Variants in ITCH observed in about 807,000 individuals in gnomAD.
ITCH encodes itchy E3 ubiquitin protein ligase.
ITCH carries 28 observed loss-of-function variants against 126.8 expected under a neutral mutation model. That is an observed-to-expected ratio of 0.22 (90% CI 0.16 to 0.30). The LOEUF (loss-of-function observed/expected upper bound fraction) is 0.30, where lower values mean the gene tolerates loss of function less well. Ranked by LOEUF, ITCH falls within the 10% of genes least tolerant of loss-of-function variation. The pLI is 1.00. For missense variants in ITCH, 631 were observed against 1,032.4 expected, an observed-to-expected ratio of 0.61 and a Z score of 5.33; for synonymous variants, 342 against 340.0, an observed-to-expected ratio of 1.01 and a Z score of -0.06.
intron 16 of ITCH, 125 bp downstream of exon 16, chr20:34,471,640 C>A (rs1265319166): frequency 1.6e-5 from 11 of 667,444 alleles, no homozygotes; most frequent in Non-Finnish European, 2.8e-5. Flanking sequence ...TTTTCAAGTG[C>A]GATCTCATTG....
rs1007548009 is a variant in ITCH, at chr20:34,457,261, G to A, written c.1211-129G>A. On this transcript the variant is annotated intron_variant, in intron 12 of 24. Transcript: ENST00000374864. Reference sequence around the variant, plus strand: ...AATAAATTAAACCTTTTAAAGCTGTGATTTAAAAACTATAAAATAAACAAT... The same window carrying A: ...AATAAATTAAACCTTTTAAAGCTGTAATTTAAAAACTATAAAATAAACAAT... The A allele has an allele frequency of 4.0e-5, 28 of 703,842 alleles. 1 individual carries two copies. Among genetic ancestry groups the A allele is most frequent in the African/African-American group, 2.5e-4 (14 of 55,914 alleles). The allele number at this position is 703,842 out of a possible 1,614,324, so 43.6% of individuals were successfully genotyped here.
intron 16 of ITCH, among the ~76,000 whole-genome samples, chr20:34,477,252 C>G (rs1233815225): frequency 6.6e-6 from 1 of 152,126 alleles, no homozygotes; most frequent in Non-Finnish European, 1.5e-5. Flanking sequence ...AAATCACGGC[C>G]GGGCATGATG....
chr20:34,431,673 G>C (rs181934703), intron 7 of ITCH, among the ~76,000 whole-genome samples: 2 of 152,258 alleles, frequency 1.3e-5, no homozygotes, highest in Admixed American at 6.5e-5. Context: ...ACCAAAAAAG[G>C]GATGATGAGA....
chr20:34,511,016 A>G lies in ITCH; in HGVS notation c.*3222A>G, dbSNP rs1279707011. ...AATGTTACCGGGGTTGACTCACGGA[A>G]TTAAATTTTTCCTCTATTTTTATAT... On this transcript the variant is annotated 3_prime_UTR_variant, in exon 25 of 25. Transcript: ENST00000374864. 6.6e-6 allele frequency: 1 copy of G among 152,198 alleles called. No individual in the cohort carries two copies. The highest frequency in any genetic ancestry group is 2.4e-5 in the African/African-American group (1 of 41,456). 9.4% of individuals were successfully genotyped at this position (152,198 alleles called of 1,614,324 possible).
chr20:34,434,917 A>G (rs1200989039), intron 7 of ITCH, among the ~76,000 whole-genome samples: 1 of 152,334 alleles, frequency 6.6e-6, no homozygotes, highest in East Asian at 1.9e-4. Flanking sequence ...TGAATACTCT[A>G]TAAATACAAA....
intron 24 of ITCH, among the ~76,000 whole-genome samples, chr20:34,506,805 G>A (rs887248841): frequency 1.3e-5 from 2 of 152,172 alleles, no homozygotes; most frequent in African/African-American, 4.8e-5. Flanking sequence ...TACTTCGTAA[G>A]TGTAGAATCG....
chr20:34,476,091 A>G (rs879067403), intron 16 of ITCH: 1 of 992,890 alleles, frequency 1.0e-6, no homozygotes, highest in South Asian at 1.3e-5. Flanking sequence ...CAGTGATTGC[A>G]TCTAACTTCT....
intron 7 of ITCH, among the ~76,000 whole-genome samples, chr20:34,429,286 A>C (rs1395173246): frequency 6.6e-6 from 1 of 152,162 alleles, no homozygotes; most frequent in African/African-American, 2.4e-5. Flanking sequence ...TTCCACTGAC[A>C]ATTCTGTATA....
chr20:34,401,542 G>A, intron 3 of ITCH: 1 of 571,838 alleles, frequency 1.7e-6, no homozygotes, highest in South Asian at 7.7e-5. Context: ...CAAGGGTGGA[G>A]TAAAAAGGCA....
At chr20:34,372,053 TC>T (rs1474087249) in intron 2 of ITCH, among the ~76,000 whole-genome samples, 27 of 152,174 alleles carry the variant, frequency 1.8e-4, no homozygotes, top group African/African-American at 6.3e-4. Context: ...ATCCCTGTAA[TC>T]CTAGCACTTT....
intron 10 of ITCH, among the ~76,000 whole-genome samples, chr20:34,443,126 A>G (rs1254523012): frequency 6.6e-6 from 1 of 152,180 alleles, no homozygotes; most frequent in African/African-American, 2.4e-5. Flanking sequence ...AGTTCTTATT[A>G]TATTTAAAAA....
chr20:34,459,336 C>T (rs1042184813), intron 13 of ITCH, among the ~76,000 whole-genome samples: 1 of 152,164 alleles, frequency 6.6e-6, no homozygotes, highest in African/African-American at 2.4e-5. Context: ...TCTCTGGTAT[C>T]TAGGGTTTTT....
At chr20:34,423,862 C>G (rs2146217594) in intron 6 of ITCH, among the ~76,000 whole-genome samples, 1 of 152,312 alleles carries the variant, frequency 6.6e-6, no homozygotes, top group East Asian at 1.9e-4. Flanking sequence ...CTTGGCCTCC[C>G]AAAATGCTGG....
intron 3 of ITCH, 42 bp downstream of exon 3, chr20:34,393,923 C>T (rs768629979): frequency 1.1e-5 from 17 of 1,546,296 alleles, no homozygotes; most frequent in Middle Eastern, 1.7e-4. Context: ...TATTTTTCCC[C>T]GTATGATTAA....
chr20:34,366,351 G>A (rs531535663), intron 1 of ITCH, among the ~76,000 whole-genome samples: 78 of 152,200 alleles, frequency 5.1e-4, no homozygotes, highest in African/African-American at 1.8e-3. Context: ...GCCTCCCTGA[G>A]TAGCTGGGAC....
chr20:34,506,503 T>C (rs1470032402), intron 24 of ITCH, among the ~76,000 whole-genome samples: 1 of 152,196 alleles, frequency 6.6e-6, no homozygotes, highest in Non-Finnish European at 1.5e-5. Context: ...GCTCCACCAC[T>C]TGTCAGATCA....
intron 10 of ITCH, 143 bp downstream of exon 10, chr20:34,442,446 A>T (rs1268282443): frequency 1.5e-6 from 1 of 672,400 alleles, no homozygotes; most frequent in Non-Finnish European, 2.6e-6. Context: ...TACAAATTAA[A>T]AAGAAGAGAG....
At chr20:34,403,702 G>A (rs111854070) in intron 3 of ITCH, among the ~76,000 whole-genome samples, 6 of 152,268 alleles carry the variant, frequency 3.9e-5, no homozygotes, top group African/African-American at 9.6e-5. Flanking sequence ...TACTCTGGAA[G>A]CATGGAGGTG....
chr20:34,450,516 A>C (rs1195791532), intron 12 of ITCH, among the ~76,000 whole-genome samples: 1 of 152,188 alleles, frequency 6.6e-6, no homozygotes, highest in Non-Finnish European at 1.5e-5. Flanking sequence ...GACCTACCCT[A>C]CTAGGTTCTA....
Sources: gnomAD v4.1 joint callset for allele counts (sites outside exome capture counted in the v4.1 genomes callset) on GRCh38, gnomAD v4.1.1 for gene constraint, MANE v1.5 for transcripts, NCBI Gene and HGNC (gene_info 2026-07-23, HGNC 2026-07-21) for gene names.